ST6GAL2: variants seen among roughly 807,000 people sequenced by gnomAD.
ST6GAL2 encodes ST6 beta-galactoside alpha-2,6-sialyltransferase 2.
ST6GAL2 carries 24 observed loss-of-function variants against 37.5 expected under a neutral mutation model. The ratio of observed to expected loss-of-function variants is 0.64; its 90% CI spans 0.46 to 0.90. ST6GAL2 has a LOEUF of 0.90. ST6GAL2 is among the 40% of genes least tolerant of loss of function. The probability of loss-of-function intolerance (pLI) is 0.00; values close to 1 mark genes in which losing one functional copy is unlikely to be tolerated. For missense variants in ST6GAL2, 715 were observed against 712.7 expected, an observed-to-expected ratio of 1.00 and a Z score of -0.04; for synonymous variants, 306 against 295.1, an observed-to-expected ratio of 1.04 and a Z score of -0.38.
intron 5 of ST6GAL2, among the ~76,000 whole-genome samples, chr2:106,809,195 C>T (rs1440202057): frequency 6.6e-6 from 1 of 152,262 alleles, no homozygotes. Context: ...TCCCCATCTC[C>T]TGGGCATGAC....
chr2:106,879,130 A>C (rs774234839), intron 1 of ST6GAL2, among the ~76,000 whole-genome samples: 6 of 152,180 alleles, frequency 3.9e-5, no homozygotes, highest in Non-Finnish European at 8.8e-5. Context: ...CTGGTTCTAC[A>C]TCGAATACCG....
intron 5 of ST6GAL2, among the ~76,000 whole-genome samples, chr2:106,820,543 A>G (rs1268083453): frequency 6.6e-6 from 1 of 152,150 alleles, no homozygotes; most frequent in African/African-American, 2.4e-5. Flanking sequence ...TGGAGACTTT[A>G]ACACCCCACT....
Position 106,813,113 on chromosome 2 carries a change from AG to A in ST6GAL2, c.1319-6165del, listed in dbSNP as rs1307383953. The A allele has an allele frequency of 5.3e-5, 58 of 1,101,766 alleles. No individual in the cohort carries two copies. In the African/African-American group the frequency reaches 7.9e-4, roughly 15 times the overall value. The allele number at this position is 1,101,766 out of a possible 1,614,324, so 68.2% of individuals were successfully genotyped here. On this transcript the variant is annotated intron_variant, in intron 5 of 5. Transcript: ENST00000409382. ...TGAATGTTAAGTTTCTTATATGGCC[AG>A]TTTTTTTTTTTTTTTTGAGATGGAG... is the stretch of plus-strand genomic sequence containing the variant.
At position 106,843,121 on chromosome 2, in the gene ST6GAL2, C is replaced by G. The variant is rs1225144673; in HGVS notation, c.857G>C (p.Ser286Thr). 7 of 1,568,464 alleles carry G rather than the reference C, an allele frequency of 4.5e-6. No homozygotes were observed. The highest frequency in any genetic ancestry group is 6.0e-6 in the Non-Finnish European group (7 of 1,161,062). Reference protein sequence around the residue: ...WRRLVPAVPLSQLHPRGLRSC... With the variant: ...WRRLVPAVPLTQLHPRGLRSC... ...GCGCAGGCCGCGGGGGTGCAGCTGG[C>G]TCAGGGGCACGGCGGGCACCAGGCG... is the stretch of plus-strand genomic sequence containing the variant. The change falls in exon 2 of 6, where the codon AGC becomes ACC. Residue 286 changes from serine (S) to threonine (T), a missense_variant. By Grantham distance (58) the Ser-to-Thr change is moderately conservative. Transcript: ENST00000409382.
rs140242552 is a variant in ST6GAL2, at chr2:106,874,416, C to A, written c.-58+11677G>T. On this transcript the variant is annotated intron_variant, in intron 1 of 5. Coordinates refer to ENST00000409382, the MANE Select transcript of ST6GAL2 (RefSeq NM_001142351.2). ...AAGAGGGGAGTAGGAAAGTGGAGACCATGAGCTTGGATCCAAGCCAGAAGC... is the reference window on the plus strand; with the variant it reads ...AAGAGGGGAGTAGGAAAGTGGAGACAATGAGCTTGGATCCAAGCCAGAAGC... Among the ~76,000 whole-genome samples the A allele has an allele frequency of 6.4e-3, 977 of 152,110 alleles. 10 individuals are homozygous for A. The highest frequency in any genetic ancestry group is 0.023 in the African/African-American group (956 of 41,488).
chr2:106,836,944 C>CCAAAAAA (rs751387904), intron 2 of ST6GAL2, among the ~76,000 whole-genome samples: 76 of 85,710 alleles, frequency 8.9e-4, no homozygotes, highest in Middle Eastern at 0.012. Context: ...AATTCCATCT[C>CCAAAAAA]AAAAAAAAAA....
chr2:106,805,580 A>T lies in ST6GAL2; in HGVS notation c.*1098T>A, dbSNP rs1675388641. ...ATAAAACATATCTGCAAAAGCAAGGACTGGATTCCTAAATGTCTGTAGGAA... is the reference window on the plus strand; with the variant it reads ...ATAAAACATATCTGCAAAAGCAAGGTCTGGATTCCTAAATGTCTGTAGGAA... On this transcript the variant is annotated 3_prime_UTR_variant, in exon 6 of 6. Coordinates refer to ENST00000409382, the MANE Select transcript of ST6GAL2 (RefSeq NM_001142351.2). 1 of 152,202 alleles carries T rather than the reference A, an allele frequency of 6.6e-6. No individual in the cohort carries two copies. The highest frequency in any genetic ancestry group is 2.4e-5 in the African/African-American group (1 of 41,452). 9.4% of individuals were successfully genotyped at this position (152,202 alleles called of 1,614,324 possible).
At chr2:106,877,200 T>A (rs539572669) in intron 1 of ST6GAL2, among the ~76,000 whole-genome samples, 1 of 152,286 alleles carries the variant, frequency 6.6e-6, no homozygotes, top group Admixed American at 6.5e-5. Flanking sequence ...TTCTGTGATT[T>A]TCAAGTTGGG....
At chr2:106,869,569 C>T (rs909693661) in intron 1 of ST6GAL2, among the ~76,000 whole-genome samples, 1 of 152,148 alleles carries the variant, frequency 6.6e-6, no homozygotes, top group African/African-American at 2.4e-5. Context: ...GTGCAGACGC[C>T]CCCTCCTGCT....
Position 106,843,647 on chromosome 2 carries a change from A to T in ST6GAL2, c.331T>A (p.Phe111Ile). Residue 111 changes from phenylalanine (F) to isoleucine (I), a missense_variant, in exon 2 of 6, where the codon TTT becomes ATT. Phe to Ile is a conservative substitution (Grantham distance 21). This residue lies in a region of ST6GAL2 where 512 missense variants were observed against 488.8 expected (regional missense o/e 1.05). Coordinates refer to ENST00000409382, the MANE Select transcript of ST6GAL2 (RefSeq NM_001142351.2). ...QSQDGFEHKE[F>I]FSSQVGRKSQ... ...TTTCTCCCCACCTGGGATGAAAAAA[A>T]CTCTTTATGTTCAAACCCATCTTGG... 1 of 1,613,438 alleles carries T rather than the reference A, an allele frequency of 6.2e-7. No individual in the cohort carries two copies. The highest frequency in any genetic ancestry group is 8.5e-7 in the Non-Finnish European group (1 of 1,179,980).
At position 106,801,934 on chromosome 2, in the gene ST6GAL2, C is replaced by A. The variant is rs1461922885; in HGVS notation, c.*4744G>T. On this transcript the variant is annotated 3_prime_UTR_variant, in exon 6 of 6. Transcript: ENST00000409382. ...CCAATGCAATTTCTTTGTTTCCAAT[C>A]TACCTAGCAAGAAGACTATTTTCCA... 1 of 152,118 alleles carries A rather than the reference C, an allele frequency of 6.6e-6. No homozygotes were observed. The highest frequency in any genetic ancestry group is 1.5e-5 in the Non-Finnish European group (1 of 68,028). 9.4% of individuals were successfully genotyped at this position (152,118 alleles called of 1,614,324 possible). A position where few individuals can be genotyped will look rare whatever the true frequency, so the allele number is the denominator to read the frequency against.
chr2:106,872,894 T>C (rs995878992), intron 1 of ST6GAL2, among the ~76,000 whole-genome samples: 2 of 151,834 alleles, frequency 1.3e-5, no homozygotes, highest in African/African-American at 4.8e-5. Context: ...TCGCTGGTAA[T>C]TTTTTTTTAT....
Position 106,860,094 on chromosome 2 carries a change from T to C in ST6GAL2, c.-57-16060A>G, listed in dbSNP as rs529871687. On this transcript the variant is annotated intron_variant, in intron 1 of 5. Transcript: ENST00000409382. ...CGGCTTGGCTTCCTCCTAGTTTTGT[T>C]GAAGTCTTAGCTCAAATGCCACCTA... Among the ~76,000 whole-genome samples, 6 of 152,252 alleles carry C rather than the reference T, an allele frequency of 3.9e-5. No homozygotes were observed. The Middle Eastern group carries it at 0.01, about 259-fold the overall frequency.
At chr2:106,874,977 A>G (rs1021729971) in intron 1 of ST6GAL2, among the ~76,000 whole-genome samples, 1 of 152,178 alleles carries the variant, frequency 6.6e-6, no homozygotes, top group Non-Finnish European at 1.5e-5. Context: ...AAATGGTACC[A>G]TTTACATCTG....
In ST6GAL2 at chr2:106,806,836, T is replaced by C. The variant is rs1189266638; in HGVS notation, c.1432A>G (p.Thr478Ala). Residue 478 changes from threonine to alanine, a missense_variant, in exon 6 of 6, where the codon ACC (threonine) becomes GCC (alanine). Thr to Ala is a moderately conservative substitution (Grantham distance 58). Coordinates refer to ENST00000409382, the MANE Select transcript of ST6GAL2 (RefSeq NM_001142351.2). Reference protein sequence around the residue: ...YHELYYDAACTLGAYHPLLYE... With the variant: ...YHELYYDAACALGAYHPLLYE... Reference sequence around the variant, plus strand: ...AGTAGTGGGTGGTACGCCCCGAGGGTGCAGGCTGCGTCGTAGTACAGCTCG... The same window carrying C: ...AGTAGTGGGTGGTACGCCCCGAGGGCGCAGGCTGCGTCGTAGTACAGCTCG... 1 of 1,614,028 alleles carries C rather than the reference T, an allele frequency of 6.2e-7. No individual in the cohort carries two copies. The highest frequency in any genetic ancestry group is 2.2e-5 in the East Asian group (1 of 44,868).
chr2:106,826,370 CAG>C (rs1213054314), intron 5 of ST6GAL2, among the ~76,000 whole-genome samples: 1 of 152,136 alleles, frequency 6.6e-6, no homozygotes, highest in Non-Finnish European at 1.5e-5. Flanking sequence ...GGGCAAGAGA[CAG>C]AGTGGGCGGG....
At chr2:106,881,616 C>T (rs1039727017) in intron 1 of ST6GAL2, among the ~76,000 whole-genome samples, 3 of 152,180 alleles carry the variant, frequency 2.0e-5, no homozygotes, top group Non-Finnish European at 2.9e-5. Context: ...GAGACTTACC[C>T]TTTCCCATAT....
chr2:106,870,986 GC>G (rs1678240392), intron 1 of ST6GAL2, among the ~76,000 whole-genome samples: 1 of 152,100 alleles, frequency 6.6e-6, no homozygotes, highest in Admixed American at 6.5e-5. Flanking sequence ...TCTGAGAAAT[GC>G]ATCCTTGGGC....
chr2:106,867,911 G>C (rs1678103019), intron 1 of ST6GAL2, among the ~76,000 whole-genome samples: 1 of 152,022 alleles, frequency 6.6e-6, no homozygotes, highest in South Asian at 2.1e-4. Context: ...CCCCACAAAA[G>C]CCACTGTCTG....
Sources: allele counts gnomAD v4.1 joint callset (sites outside exome capture counted in the v4.1 genomes callset), GRCh38; gene constraint gnomAD v4.1.1; regional missense constraint gnomAD v4.1.1; transcripts MANE v1.5; gene names NCBI Gene and HGNC (gene_info 2026-07-23, HGNC 2026-07-21).